Variants in NDUFA10 observed in about 807,000 individuals in gnomAD.
NDUFA10 encodes the protein NADH:ubiquinone oxidoreductase subunit A10, also known as NADH dehydrogenase [ubiquinone] 1 alpha subcomplex subunit 10, mitochondrial.
Under a neutral mutation model 47.8 loss-of-function variants are expected in NDUFA10, and 40 were observed. The ratio of observed to expected loss-of-function variants is 0.84; its 90% CI spans 0.65 to 1.09. NDUFA10 has a LOEUF of 1.09. NDUFA10 is among the 50% of genes least tolerant of loss of function. NDUFA10 has a pLI of 0.00. For missense variants in NDUFA10, 413 were observed against 451.1 expected (o/e 0.92, Z 0.76); for synonymous variants, 183 against 172.2 (o/e 1.06, Z -0.49).
chr2:239,927,128 C>T (rs1235617105), intron 4 of NDUFA10, among the ~76,000 whole-genome samples: 3 of 152,080 alleles, frequency 2.0e-5, no homozygotes, highest in Non-Finnish European at 4.4e-5. Flanking sequence ...CACAGTTATA[C>T]CCTATCAGAC....
chr2:240,020,322 C>T (rs537803740), intron 3 of NDUFA10, among the ~76,000 whole-genome samples: 7 of 152,296 alleles, frequency 4.6e-5, no homozygotes, highest in Middle Eastern at 3.4e-3. Context: ...AAAACAGACA[C>T]GAAGGCCCTA....
chr2:239,921,397 T>C lies in NDUFA10; in HGVS notation c.295-26083A>G, dbSNP rs190877098. On this transcript the variant is annotated intron_variant, in intron 4 of 5. Coordinates refer to the NDUFA10 transcript ENST00000419408. Reference sequence around the variant, plus strand: ...AGGAACCCAAGCAGGTTGCAGCTACTGGTTTGGGTGGTCAGCTTTTATTCC... The same window carrying C: ...AGGAACCCAAGCAGGTTGCAGCTACCGGTTTGGGTGGTCAGCTTTTATTCC... Among the ~76,000 whole-genome samples, 19 of 152,276 alleles carry C rather than the reference T, an allele frequency of 1.2e-4. No homozygotes were observed. In the East Asian group the frequency reaches 3.5e-3, roughly 28 times the overall value.
chr2:239,968,639 G>T (rs1559332030), intron 9 of NDUFA10, among the ~76,000 whole-genome samples: 1 of 152,318 alleles, frequency 6.6e-6, no homozygotes, highest in East Asian at 1.9e-4. Flanking sequence ...CACTAAAGGG[G>T]TGGGGCCTAG....
chr2:240,012,082 CACA>C, intron 5 of NDUFA10: 1 of 314,892 alleles, frequency 3.2e-6, no homozygotes, highest in Non-Finnish European at 6.2e-6. Flanking sequence ...CTGTCCTCAG[CACA>C]CTCTCTTCTT....
chr2:240,022,617 T>C lies in NDUFA10; in HGVS notation c.76-277A>G, dbSNP rs142328229. ...ATTTTTATTAAATATGTTTACTATG[T>C]TCAATAAAAATTGGAGGGAGGGAGG... On this transcript the variant is annotated intron_variant, in intron 1 of 9. Coordinates refer to ENST00000252711, the MANE Select transcript of NDUFA10 (RefSeq NM_004544.4). Among the ~76,000 whole-genome samples the C allele has an allele frequency of 3.4e-3, 514 of 151,876 alleles. 1 individual carries two copies. The highest frequency in any genetic ancestry group is 0.011 in the African/African-American group (471 of 41,454).
intron 8 of NDUFA10, among the ~76,000 whole-genome samples, chr2:239,991,990 T>A (rs1158282241): frequency 1.3e-5 from 2 of 151,984 alleles, no homozygotes; most frequent in Non-Finnish European, 2.9e-5. Context: ...AAAAAAAGAA[T>A]CTGTTGCAAT....
At chr2:240,010,677 G>A (rs1288280491) in intron 6 of NDUFA10, among the ~76,000 whole-genome samples, 1 of 151,886 alleles carries the variant, frequency 6.6e-6, no homozygotes, top group Non-Finnish European at 1.5e-5. Context: ...TGACATAAAC[G>A]TTAATACTTA....
chr2:240,018,512 C>A, intron 4 of NDUFA10, 41 bp downstream of exon 4: 1 of 1,614,172 alleles, frequency 6.2e-7, no homozygotes, highest in Non-Finnish European at 8.5e-7. Flanking sequence ...CTTGCAAAGT[C>A]GCACCACACA....
chr2:239,898,173 TC>T (rs1486651573), intron 4 of NDUFA10, among the ~76,000 whole-genome samples: 3 of 152,144 alleles, frequency 2.0e-5, no homozygotes, highest in Admixed American at 6.5e-5. Context: ...GGTTACGCAG[TC>T]ATGGGCATTT....
chr2:239,918,673 C>G (rs994109908), intron 4 of NDUFA10, among the ~76,000 whole-genome samples: 1 of 152,236 alleles, frequency 6.6e-6, no homozygotes, highest in Admixed American at 6.5e-5. Flanking sequence ...TCTCTCTCCT[C>G]CACTTTATTC....
chr2:240,010,840 A>G (rs1697111989), intron 6 of NDUFA10, among the ~76,000 whole-genome samples: 1 of 150,576 alleles, frequency 6.6e-6, no homozygotes, highest in South Asian at 2.1e-4. Context: ...CTTTTTTTCT[A>G]AAATTGCTAT....
chr2:239,978,535 C>A (rs1214647429), intron 9 of NDUFA10, among the ~76,000 whole-genome samples: 1 of 152,158 alleles, frequency 6.6e-6, no homozygotes, highest in Non-Finnish European at 1.5e-5. Context: ...CTGACCAACC[C>A]CGATTGGATC....
chr2:239,935,790 C>A (rs1425995241), intron 4 of NDUFA10, among the ~76,000 whole-genome samples: 1 of 152,248 alleles, frequency 6.6e-6, no homozygotes, highest in African/African-American at 2.4e-5. Context: ...CTTTTGCCTG[C>A]CGCCATGTAA....
intron 4 of NDUFA10, among the ~76,000 whole-genome samples, chr2:239,909,629 CA>C (rs1693714732): frequency 2.0e-5 from 3 of 151,774 alleles, no homozygotes; most frequent in African/African-American, 7.3e-5. Context: ...AAAAGCAAAA[CA>C]AAACAAAAAA....
chr2:239,962,812 G>C (rs574203223), intron 9 of NDUFA10, among the ~76,000 whole-genome samples: 1 of 152,160 alleles, frequency 6.6e-6, no homozygotes, highest in Non-Finnish European at 1.5e-5. Flanking sequence ...GTAGGAGCAA[G>C]AGCAAGAGCA....
intron 5 of NDUFA10, chr2:240,013,872 G>C (rs1697231594): frequency 1.3e-5 from 2 of 152,104 alleles, no homozygotes; most frequent in South Asian, 4.1e-4. Flanking sequence ...TTCTCCTCCA[G>C]GAAAAAATAA....
chr2:239,941,246 C>T (rs934080828), intron 4 of NDUFA10, among the ~76,000 whole-genome samples: 3 of 152,136 alleles, frequency 2.0e-5, no homozygotes, highest in African/African-American at 7.2e-5. Context: ...CATATGCAAA[C>T]AAAAAGATCT....
chr2:239,967,676 C>T (rs1439723066), intron 9 of NDUFA10, among the ~76,000 whole-genome samples: 7 of 152,178 alleles, frequency 4.6e-5, no homozygotes, highest in Admixed American at 2.6e-4. Flanking sequence ...CTGGCAACAG[C>T]GGGGAACAGG....
At chr2:239,995,800 T>TA (rs1179322646) in intron 8 of NDUFA10, among the ~76,000 whole-genome samples, 1 of 152,180 alleles carries the variant, frequency 6.6e-6, no homozygotes, top group African/African-American at 2.4e-5. Flanking sequence ...TAAATTCAGA[T>TA]AGAGCTGACT....
Sources: gnomAD v4.1 joint callset for allele counts (sites outside exome capture counted in the v4.1 genomes callset) on GRCh38, gnomAD v4.1.1 for gene constraint, MANE v1.5 for transcripts, NCBI Gene and HGNC (gene_info 2026-07-23, HGNC 2026-07-21) for gene names.